DPY19L2: variants seen among roughly 807,000 people sequenced by gnomAD.
DPY19L2 encodes the protein dpy-19 like 2, also known as probable C-mannosyltransferase DPY19L2.
DPY19L2 carries 34 observed loss-of-function variants against 97.9 expected under a neutral mutation model. That is an observed-to-expected ratio of 0.35 (90% CI 0.26 to 0.46). DPY19L2 has a LOEUF of 0.46. Among genes scored for constraint, DPY19L2 ranks in the 20% least tolerant of loss-of-function variants. The probability of loss-of-function intolerance (pLI) is 1.00; values close to 1 mark genes in which losing one functional copy is unlikely to be tolerated. For synonymous variants in DPY19L2, 230 were observed against 307.9 expected (o/e 0.75, Z 2.65); for missense variants, 623 against 911.4 (o/e 0.68, Z 4.07).
intron 16 of DPY19L2, among the ~76,000 whole-genome samples, chr12:63,586,555 C>T (rs1478567798): frequency 2.6e-5 from 4 of 152,188 alleles, no homozygotes; most frequent in African/African-American, 9.6e-5. Flanking sequence ...AGTACGAATT[C>T]TGCCTCCACT....
intron 6 of DPY19L2, among the ~76,000 whole-genome samples, chr12:63,632,168 C>CCT (rs764278141): frequency 7.2e-5 from 11 of 152,052 alleles, no homozygotes; most frequent in Non-Finnish European, 1.2e-4. Context: ...ACAGGGATGC[C>CCT]CTCTCTCACC....
rs1885361566 is a variant in DPY19L2 at position 63,602,564 on chromosome 12, G to GA, written c.1279-2179dup. ...TTTGGAAAGGATCCAGGGGGTACTG[G>GA]AAAAAATTAATCTGGTATGGTAAAC... On this transcript the variant is annotated intron_variant, in intron 12 of 21. Coordinates refer to ENST00000324472, the MANE Select transcript of DPY19L2 (RefSeq NM_173812.5). Among the ~76,000 whole-genome samples, 4 of 152,066 alleles carry GA rather than the reference G, an allele frequency of 2.6e-5. No individual in the cohort carries two copies. The South Asian group carries it at 8.3e-4, about 32-fold the overall frequency.
In DPY19L2 at chr12:63,582,388, C is replaced by T. The variant is rs771329345; in HGVS notation, c.1725+18G>A. 6 of 1,604,596 alleles carry T rather than the reference C, an allele frequency of 3.7e-6. No homozygotes were observed. The highest frequency in any genetic ancestry group is 1.7e-5 in the Admixed American group (1 of 58,128). On this transcript the variant is annotated intron_variant, in intron 18 of 21. Transcript: ENST00000324472. ...CTATAGTTTTTATAGTATTGTTATA[C>T]AAGAATGAATCCCTTACCTGTCGAG...
At chr12:63,583,342 T>C (rs1881262979) in intron 17 of DPY19L2, among the ~76,000 whole-genome samples, 1 of 152,318 alleles carries the variant, frequency 6.6e-6, no homozygotes, top group South Asian at 2.1e-4. Context: ...TTTTACACCA[T>C]ATAAAATGTT....
intron 16 of DPY19L2, among the ~76,000 whole-genome samples, chr12:63,592,618 C>T (rs1300364788): frequency 6.8e-6 from 1 of 148,104 alleles, no homozygotes; most frequent in Non-Finnish European, 1.5e-5. Context: ...CCCTTCCTTA[C>T]ACCTTATACA....
chr12:63,628,035 G>C (rs1340960297), intron 6 of DPY19L2, among the ~76,000 whole-genome samples: 1 of 152,192 alleles, frequency 6.6e-6, no homozygotes, highest in African/African-American at 2.4e-5. Context: ...ATTGTCAATG[G>C]AGGAACTGGG....
At chr12:63,616,520 A>G (rs1463596047) in intron 11 of DPY19L2, among the ~76,000 whole-genome samples, 2 of 152,092 alleles carry the variant, frequency 1.3e-5, no homozygotes, top group African/African-American at 4.8e-5. Flanking sequence ...AGTTGGTATC[A>G]TTTCTGATCA....
At chr12:63,631,112 G>C (rs181204302) in intron 6 of DPY19L2, among the ~76,000 whole-genome samples, 102 of 152,144 alleles carry the variant, frequency 6.7e-4, no homozygotes, top group African/African-American at 2.3e-3. Flanking sequence ...ACAAGAGAAA[G>C]CAGGACAGAT....
At chr12:63,570,731 T>C in intron 20 of DPY19L2, 27 bp downstream of exon 20, 2 of 1,604,642 alleles carry the variant, frequency 1.2e-6, no homozygotes, top group Non-Finnish European at 1.7e-6. Flanking sequence ...CAAGTGAGTC[T>C]TGAAGAAATA....
chr12:63,616,734 C>T (rs1326898021), intron 11 of DPY19L2, among the ~76,000 whole-genome samples: 1 of 152,126 alleles, frequency 6.6e-6, no homozygotes, highest in East Asian at 1.9e-4. Context: ...TGGAACTACA[C>T]TTTCTAAACT....
At chr12:63,657,863 C>T (rs116786197) in intron 4 of DPY19L2, among the ~76,000 whole-genome samples, 10,041 of 152,244 alleles carry the variant, frequency 0.066, 359 homozygotes, top group Middle Eastern at 0.095. Flanking sequence ...TCTGGTTTAA[C>T]CTTTGTACCA....
chr12:63,660,248 C>T lies in DPY19L2; in HGVS notation c.588+1096G>A, dbSNP rs543578061. 1.4e-4 allele frequency among the ~76,000 whole-genome samples: 22 copies of T among 151,966 alleles called. 1 individual carries two copies. The highest frequency in any genetic ancestry group is 2.8e-4 in the Non-Finnish European group (19 of 67,974). On this transcript the variant is annotated intron_variant, in intron 4 of 21. Coordinates refer to ENST00000324472, the MANE Select transcript of DPY19L2 (RefSeq NM_173812.5). ...AAAGTGTACCTTTTAGATTACATTG[C>T]TTGTAATCAAAAAATTGGAAATAAT... is the stretch of plus-strand genomic sequence containing the variant.
chr12:63,607,735 C>T (rs974136059), intron 12 of DPY19L2, among the ~76,000 whole-genome samples: 1 of 152,060 alleles, frequency 6.6e-6, no homozygotes, highest in Non-Finnish European at 1.5e-5. Context: ...AGGGCTCAAG[C>T]GATCCTCCCA....
chr12:63,595,435 T>C (rs1165540623), intron 15 of DPY19L2, among the ~76,000 whole-genome samples: 1 of 152,204 alleles, frequency 6.6e-6, no homozygotes, highest in Non-Finnish European at 1.5e-5. Context: ...GATGTTCTTT[T>C]CTTCTGTCAT....
chr12:63,568,164 T>C (rs1878122839), intron 21 of DPY19L2, among the ~76,000 whole-genome samples: 1 of 152,016 alleles, frequency 6.6e-6, no homozygotes, highest in African/African-American at 2.4e-5. Flanking sequence ...TTGGTTATTT[T>C]TCAATCTTTT....
In DPY19L2 at chr12:63,560,380, T is replaced by TTCCAA. The variant is rs1337563963; in HGVS notation, c.*127_*131dup. 1.7e-6 allele frequency: 2 copies of TTCCAA among 1,167,534 alleles called. No individual in the cohort carries two copies. The highest frequency in any genetic ancestry group is 2.3e-6 in the Non-Finnish European group (2 of 867,826). The allele number at this position is 1,167,534 out of a possible 1,614,324, so 72.3% of individuals were successfully genotyped here. Reference sequence around the variant, plus strand: ...TTTACCTTTTAGTAATCAGAAAAATTTCCAATCCATTTTTATCTTATTTTT... The same window carrying TTCCAA: ...TTTACCTTTTAGTAATCAGAAAAATTTCCAATCCAATCCATTTTTATCTTATTTTT... On this transcript the variant is annotated 3_prime_UTR_variant, in exon 22 of 22. Coordinates refer to ENST00000324472, the MANE Select transcript of DPY19L2 (RefSeq NM_173812.5).
intron 19 of DPY19L2, 36 bp from the exon 20 acceptor site, chr12:63,570,893 T>C: frequency 6.3e-7 from 1 of 1,585,854 alleles, no homozygotes. Context: ...TTCAATTAAA[T>C]GTTTTAAAGA....
chr12:63,574,540 A>G (rs1879465802), intron 19 of DPY19L2, among the ~76,000 whole-genome samples: 1 of 151,938 alleles, frequency 6.6e-6, no homozygotes, highest in Non-Finnish European at 1.5e-5. Context: ...ACAAAACACT[A>G]AGAATCTGTT....
At chr12:63,632,497 C>A (rs566635480) in intron 6 of DPY19L2, among the ~76,000 whole-genome samples, 2 of 152,252 alleles carry the variant, frequency 1.3e-5, no homozygotes, top group East Asian at 3.9e-4. Flanking sequence ...ACCTAGGAAT[C>A]CAACTTACAA....
Sources: gnomAD v4.1 joint callset for allele counts (sites outside exome capture counted in the v4.1 genomes callset) on GRCh38, gnomAD v4.1.1 for gene constraint, MANE v1.5 for transcripts, NCBI Gene and HGNC (gene_info 2026-07-23, HGNC 2026-07-21) for gene names.